BRAF: variants seen among roughly 807,000 people sequenced by gnomAD.
The protein encoded by BRAF is serine/threonine-protein kinase B-raf.
A neutral mutation model predicts 104.6 loss-of-function variants in BRAF; 16 were observed. The ratio of observed to expected loss-of-function variants is 0.15; its 90% CI spans 0.10 to 0.23. The LOEUF is 0.23. Ranked by LOEUF, BRAF falls within the 10% of genes least tolerant of loss-of-function variation. The pLI is 1.00. For missense variants in BRAF, 541 were observed against 937.3 expected (o/e 0.58, Z 5.52); for synonymous variants, 310 against 341.6 (o/e 0.91, Z 1.02).
intron 14 of BRAF, among the ~76,000 whole-genome samples, chr7:140,772,748 A>G (rs1039035894): frequency 4.6e-5 from 7 of 152,202 alleles, no homozygotes; most frequent in African/African-American, 1.4e-4. Flanking sequence ...TTAATTATAC[A>G]TATTTTATGT....
At chr7:140,885,984 A>C (rs970187766) in intron 1 of BRAF, among the ~76,000 whole-genome samples, 1 of 152,188 alleles carries the variant, frequency 6.6e-6, no homozygotes, top group Non-Finnish European at 1.5e-5. Flanking sequence ...AGAGTTTAGG[A>C]GAAGACAAAG....
At chr7:140,822,763 C>T (rs1464521814) in intron 3 of BRAF, among the ~76,000 whole-genome samples, 2 of 152,220 alleles carry the variant, frequency 1.3e-5, no homozygotes, top group Non-Finnish European at 1.5e-5. Context: ...CGAACATATG[C>T]TCCCTTTTCT....
At chr7:140,749,448 T>C in intron 16 of BRAF, 30 bp from the exon 16 acceptor site, 2 of 1,609,580 alleles carry the variant, frequency 1.2e-6, no homozygotes, top group South Asian at 2.2e-5. Context: ...AAAATATTCT[T>C]CACTTCAATT....
chr7:140,866,903 A>C (rs1355653582), intron 1 of BRAF, among the ~76,000 whole-genome samples: 1 of 152,082 alleles, frequency 6.6e-6, no homozygotes, highest in East Asian at 1.9e-4. Context: ...ACAGTGTTTT[A>C]AGGATATAAT....
At chr7:140,830,676 T>C (rs535167195) in intron 3 of BRAF, among the ~76,000 whole-genome samples, 1 of 152,274 alleles carries the variant, frequency 6.6e-6, no homozygotes, top group African/African-American at 2.4e-5. Flanking sequence ...GTCGTGGAGA[T>C]TGACCTAGTA....
In BRAF at chr7:140,723,212, G is replaced by A. The variant is rs982005281; in HGVS notation, c.*3282C>T. 3.8e-6 allele frequency: 4 copies of A among 1,053,698 alleles called. No homozygotes were observed. The highest frequency in any genetic ancestry group is 4.6e-6 in the Non-Finnish European group (4 of 872,202). The allele number at this position is 1,053,698 out of a possible 1,614,324, so 65.3% of individuals were successfully genotyped here. On this transcript the variant is annotated 3_prime_UTR_variant, in exon 20 of 20. Transcript: ENST00000644969. ...ATCTGAGGAGGATGTGCAGCAGCTC[G>A]CACTCCGCCTGGTGAATACAAGGTA... is the stretch of plus-strand genomic sequence containing the variant.
At chr7:140,837,554 G>A (rs1362075001) in intron 2 of BRAF, among the ~76,000 whole-genome samples, 1 of 152,106 alleles carries the variant, frequency 6.6e-6, no homozygotes, top group Non-Finnish European at 1.5e-5. Flanking sequence ...CAAATTTTGG[G>A]TAAGTCTGAC....
At chr7:140,901,920 C>G (rs1050019606) in intron 1 of BRAF, among the ~76,000 whole-genome samples, 16 of 152,174 alleles carry the variant, frequency 1.1e-4, no homozygotes, top group Non-Finnish European at 2.4e-4. Context: ...TCATTCATTT[C>G]TATATCCCAG....
chr7:140,822,819 T>C (rs1387067564), intron 3 of BRAF, among the ~76,000 whole-genome samples: 1 of 152,194 alleles, frequency 6.6e-6, no homozygotes, highest in Non-Finnish European at 1.5e-5. Flanking sequence ...ATATGCTAAG[T>C]GTACATCTGA....
At chr7:140,759,179 T>C (rs1484121330) in intron 14 of BRAF, among the ~76,000 whole-genome samples, 2 of 152,374 alleles carry the variant, frequency 1.3e-5, no homozygotes, top group East Asian at 1.9e-4. Context: ...TGTATTCATA[T>C]ACAAGTCTTT....
At chr7:140,900,948 G>T (rs1253162735) in intron 1 of BRAF, among the ~76,000 whole-genome samples, 8 of 152,046 alleles carry the variant, frequency 5.3e-5, no homozygotes, top group Non-Finnish European at 7.4e-5. Context: ...CGCTCCACAG[G>T]CTGGGCCTAA....
At chr7:140,786,271 C>T (rs2129030071) in intron 9 of BRAF, among the ~76,000 whole-genome samples, 1 of 152,304 alleles carries the variant, frequency 6.6e-6, no homozygotes, top group Non-Finnish European at 1.5e-5. Flanking sequence ...TTGGTTGCTT[C>T]ATGGGTATAC....
chr7:140,917,700 A>T (rs1377087740), intron 1 of BRAF, among the ~76,000 whole-genome samples: 2 of 152,188 alleles, frequency 1.3e-5, no homozygotes, highest in Non-Finnish European at 2.9e-5. Context: ...TATAACATAT[A>T]TAGTCTCCCT....
intron 7 of BRAF, chr7:140,799,751 A>G (rs1802888883): frequency 8.5e-6 from 2 of 234,148 alleles, no homozygotes; most frequent in African/African-American, 2.2e-5. Context: ...CTCATCACAT[A>G]CTTCAATATA....
At chr7:140,791,252 C>T (rs1222144640) in intron 8 of BRAF, among the ~76,000 whole-genome samples, 1 of 152,236 alleles carries the variant, frequency 6.6e-6, no homozygotes, top group Non-Finnish European at 1.5e-5. Flanking sequence ...GCCTTCTCCT[C>T]TTACTGGCCC....
At chr7:140,906,663 T>TG (rs1167942926) in intron 1 of BRAF, among the ~76,000 whole-genome samples, 1 of 152,250 alleles carries the variant, frequency 6.6e-6, no homozygotes, top group African/African-American at 2.4e-5. Context: ...AAAGAGCTGA[T>TG]GGAGTTTGTT....
chr7:140,892,316 C>T (rs1360771844), intron 1 of BRAF, among the ~76,000 whole-genome samples: 1 of 152,084 alleles, frequency 6.6e-6, no homozygotes, highest in Non-Finnish European at 1.5e-5. Context: ...TCAACCATTA[C>T]TATGCTAATA....
chr7:140,867,604 T>C (rs1563004794), intron 1 of BRAF, among the ~76,000 whole-genome samples: 1 of 150,432 alleles, frequency 6.6e-6, no homozygotes, highest in Non-Finnish European at 1.5e-5. Flanking sequence ...AGGATCGGGG[T>C]GGGTGGCTAT....
chr7:140,767,223 T>TG (rs1288017683), intron 14 of BRAF, among the ~76,000 whole-genome samples: 1 of 151,660 alleles, frequency 6.6e-6, no homozygotes, highest in Non-Finnish European at 1.5e-5. Context: ...AGTCTGATCT[T>TG]GAACTCCTGA....
Sources: allele counts gnomAD v4.1 joint callset (sites outside exome capture counted in the v4.1 genomes callset), GRCh38; gene constraint gnomAD v4.1.1; transcripts MANE v1.5; gene names NCBI Gene and HGNC (gene_info 2026-07-23, HGNC 2026-07-21).